MLLT10: variants seen among roughly 807,000 people sequenced by gnomAD.
MLLT10 encodes the protein protein AF-10.
In MLLT10, 30 loss-of-function variants were observed where a neutral mutation model predicts 129.1. The ratio of observed to expected loss-of-function variants is 0.23; its 90% CI spans 0.17 to 0.32. MLLT10 has a LOEUF of 0.32. MLLT10 is among the 10% of genes least tolerant of loss of function. MLLT10 has a pLI of 1.00. For synonymous variants in MLLT10, 490 were observed against 446.4 expected, an observed-to-expected ratio of 1.10 and a Z score of -1.23; for missense variants, 1,119 against 1,268.3, an observed-to-expected ratio of 0.88 and a Z score of 1.79.
intron 4 of MLLT10, among the ~76,000 whole-genome samples, chr10:21,587,785 CTA>C (rs2042130281): frequency 6.6e-6 from 1 of 152,160 alleles, no homozygotes; most frequent in African/African-American, 2.4e-5. Flanking sequence ...AATCTTCAGA[CTA>C]TGTTATACAG....
At chr10:21,556,544 C>T (rs1458647460) in intron 3 of MLLT10, 2 of 824,500 alleles carry the variant, frequency 2.4e-6, no homozygotes, top group East Asian at 2.7e-5. Flanking sequence ...TTCCATTTAC[C>T]CTCTCTAGGA....
chr10:21,618,639 A>G (rs1482766717), intron 8 of MLLT10, among the ~76,000 whole-genome samples: 1 of 151,880 alleles, frequency 6.6e-6, no homozygotes, highest in Non-Finnish European at 1.5e-5. Context: ...TTTGGCATTT[A>G]TTTATTTATT....
intron 2 of MLLT10, 141 bp from the exon 3 acceptor site, chr10:21,538,692 G>A (rs1386542320): frequency 1.2e-5 from 7 of 563,964 alleles, no homozygotes; most frequent in African/African-American, 5.7e-5. Context: ...GTGATAAATA[G>A]GATGTGAACT....
In MLLT10 at chr10:21,732,895, G is replaced by A. The variant is rs774546886; in HGVS notation, c.2219-4G>A. On this transcript the variant is annotated splice_polypyrimidine_tract_variant and splice_region_variant and intron_variant, in intron 17 of 22. Transcript: ENST00000307729. ...TTATTAAAAACTATCCAAATGTGTG[G>A]TAGTTTTAGGAATGCTGAAGTCATT... 4.3e-6 allele frequency: 7 copies of A among 1,610,814 alleles called. No individual in the cohort carries two copies. Among genetic ancestry groups the A allele is most frequent in the African/African-American group, 1.3e-5 (1 of 74,688 alleles).
At chr10:21,595,291 G>C (rs763518036) in intron 4 of MLLT10, 40 bp from the exon 5 acceptor site, 1 of 1,530,900 alleles carries the variant, frequency 6.5e-7, no homozygotes. Flanking sequence ...ATTTGCTTTC[G>C]ATAAAACTGA....
chr10:21,590,242 A>G (rs766414879), intron 4 of MLLT10, among the ~76,000 whole-genome samples: 22 of 152,058 alleles, frequency 1.4e-4, no homozygotes, highest in Non-Finnish European at 2.8e-4. Context: ...GGCCTGACCT[A>G]TTTTTATAAA....
intron 11 of MLLT10, among the ~76,000 whole-genome samples, chr10:21,679,369 G>A (rs975659245): frequency 6.6e-5 from 10 of 152,024 alleles, no homozygotes; most frequent in African/African-American, 2.4e-4. Context: ...TTTCCTCTTC[G>A]CTATTTATCT....
intron 3 of MLLT10, among the ~76,000 whole-genome samples, chr10:21,565,925 T>G (rs1165325756): frequency 6.8e-6 from 1 of 147,732 alleles, no homozygotes; most frequent in Non-Finnish European, 1.5e-5. Context: ...GTTTTTAAAA[T>G]CCAGTCTGTC....
intron 13 of MLLT10, among the ~76,000 whole-genome samples, chr10:21,682,998 T>G (rs569180590): frequency 9.8e-5 from 15 of 152,350 alleles, no homozygotes; most frequent in African/African-American, 3.6e-4. Flanking sequence ...TTCGACTCAT[T>G]TGTTCAAGAC....
intron 4 of MLLT10, among the ~76,000 whole-genome samples, chr10:21,590,778 A>G (rs1037353551): frequency 2.0e-5 from 3 of 152,026 alleles, no homozygotes; most frequent in African/African-American, 7.2e-5. Context: ...TCCAAATAGA[A>G]TTGTTCAGTT....
intron 8 of MLLT10, among the ~76,000 whole-genome samples, chr10:21,619,829 A>G (rs976300381): frequency 3.9e-5 from 6 of 152,138 alleles, no homozygotes; most frequent in Non-Finnish European, 8.8e-5. Context: ...CTTTAAAAAT[A>G]TGGGATGATT....
chr10:21,554,695 C>T (rs2037633660), intron 3 of MLLT10, among the ~76,000 whole-genome samples: 1 of 151,504 alleles, frequency 6.6e-6, no homozygotes, highest in South Asian at 2.1e-4. Context: ...CTCCTGACCT[C>T]GTGATCTGCC....
At chr10:21,560,272 C>G (rs2038637986) in intron 3 of MLLT10, among the ~76,000 whole-genome samples, 1 of 152,176 alleles carries the variant, frequency 6.6e-6, no homozygotes, top group South Asian at 2.1e-4. Context: ...TCCCAAAGTG[C>G]TGGGATTTGA....
chr10:21,664,704 G>C (rs144437531), intron 9 of MLLT10, among the ~76,000 whole-genome samples: 5 of 151,898 alleles, frequency 3.3e-5, no homozygotes, highest in East Asian at 1.9e-4. Flanking sequence ...CTCGTTTTTT[G>C]CTTGTTTGTT....
At chr10:21,722,016 C>T (rs1370484191) in intron 14 of MLLT10, among the ~76,000 whole-genome samples, 2 of 151,774 alleles carry the variant, frequency 1.3e-5, no homozygotes, top group Non-Finnish European at 2.9e-5. Flanking sequence ...AGGATGTATA[C>T]ATCCATATAT....
chr10:21,533,845 G>C (rs1452537437), upstream of MLLT10, among the ~76,000 whole-genome samples: 3 of 152,226 alleles, frequency 2.0e-5, no homozygotes, highest in African/African-American at 4.8e-5. Context: ...CCAGCAGGTA[G>C]GTTCCCAGGG....
intron 21 of MLLT10, among the ~76,000 whole-genome samples, chr10:21,735,775 C>T (rs542984660): frequency 1.6e-4 from 24 of 152,150 alleles, no homozygotes; most frequent in South Asian, 6.2e-4. Context: ...TACTTGTGTT[C>T]GGAAGAGAAG....
At chr10:21,701,931 GTC>G (rs1371491000) in intron 13 of MLLT10, among the ~76,000 whole-genome samples, 2 of 149,242 alleles carry the variant, frequency 1.3e-5, no homozygotes, top group South Asian at 2.1e-4. Flanking sequence ...GTCTCGTCTC[GTC>G]TCTCTTTTTT....
chr10:21,676,666 A>T (rs2052167756), intron 11 of MLLT10, among the ~76,000 whole-genome samples: 1 of 130,632 alleles, frequency 7.7e-6, no homozygotes, highest in African/African-American at 2.9e-5. Context: ...GGTTGCAGTG[A>T]GCCGAGATCG....
Sources: gnomAD v4.1 joint callset for allele counts (sites outside exome capture counted in the v4.1 genomes callset) on GRCh38, gnomAD v4.1.1 for gene constraint, MANE v1.5 for transcripts, NCBI Gene and HGNC (gene_info 2026-07-23, HGNC 2026-07-21) for gene names.